SNAP25: variants seen among roughly 807,000 people sequenced by gnomAD.
SNAP25 encodes synaptosome associated protein 25.
In SNAP25, 3 loss-of-function variants were observed where a neutral mutation model predicts 28.7. That is an observed-to-expected ratio of 0.10 (90% CI 0.05 to 0.27). The LOEUF (loss-of-function observed/expected upper bound fraction) is 0.27, where lower values mean the gene tolerates loss of function less well. SNAP25 is among the 10% of genes least tolerant of loss of function. SNAP25 has a pLI of 1.00. For missense variants in SNAP25, 117 were observed against 278.7 expected, an observed-to-expected ratio of 0.42 and a Z score of 4.13; for synonymous variants, 61 against 88.1, an observed-to-expected ratio of 0.69 and a Z score of 1.72.
Position 10,293,131 on chromosome 20 carries a change from T to C in SNAP25, c.164-30T>C, listed in dbSNP as rs1040979879. The C allele has an allele frequency of 3.1e-6, 5 of 1,588,804 alleles. No homozygotes were observed. In the African/African-American group the frequency reaches 6.7e-5, roughly 21 times the overall value. ...TTGTCCTTTTCCATCTGCTTCATTC[T>C]GTGGGGATAAAATACTTGTGTTTAA... On this transcript the variant is annotated intron_variant, in intron 4 of 7. Transcript: ENST00000254976. This position sits in a 1 kb window ranked among gnomAD's most constrained non-coding sequence, Gnocchi z 5.6.
intron 1 of SNAP25, among the ~76,000 whole-genome samples, chr20:10,234,967 C>A (rs759686311): frequency 1.3e-4 from 20 of 152,220 alleles, no homozygotes; most frequent in Non-Finnish European, 2.8e-4. Flanking sequence ...GAGGCCAAGG[C>A]AGAAGGATCA....
At position 10,293,009 on chromosome 20, in the gene SNAP25, G is replaced by T. The variant is rs781712740; in HGVS notation, c.164-152G>T. ...TATGTCCTTGTAACAAGTAGGTACTGGGTACCAGCTCTAATCTGTGGCGTC... is the reference window on the plus strand; with the variant it reads ...TATGTCCTTGTAACAAGTAGGTACTTGGTACCAGCTCTAATCTGTGGCGTC... On this transcript the variant is annotated intron_variant, in intron 4 of 7. Coordinates refer to ENST00000254976, the MANE Select transcript of SNAP25 (RefSeq NM_130811.4). The surrounding 1 kb of genome is among the most constrained non-coding windows in gnomAD (Gnocchi z 5.6). 1 of 1,558,270 alleles carries T rather than the reference G, an allele frequency of 6.4e-7. No individual in the cohort carries two copies. The highest frequency in any genetic ancestry group is 8.8e-7 in the Non-Finnish European group (1 of 1,138,142).
chr20:10,226,409 A>T lies in SNAP25; in HGVS notation c.-64+7432A>T, dbSNP rs952484129. Among the ~76,000 whole-genome samples, 6 of 152,270 alleles carry T rather than the reference A, an allele frequency of 3.9e-5. No individual in the cohort carries two copies. In the East Asian group the frequency reaches 1.2e-3, roughly 29 times the overall value. On this transcript the variant is annotated intron_variant, in intron 1 of 7. Transcript: ENST00000254976. ...ATTGCTTCATCATAAATCAGCTGCTATTATGGCATTCTTCATTAATTAATC... is the reference window on the plus strand; with the variant it reads ...ATTGCTTCATCATAAATCAGCTGCTTTTATGGCATTCTTCATTAATTAATC...
chr20:10,236,304 A>G (rs2062919580), intron 1 of SNAP25, among the ~76,000 whole-genome samples: 1 of 152,212 alleles, frequency 6.6e-6, no homozygotes, highest in Non-Finnish European at 1.5e-5. Flanking sequence ...TCATAGACCC[A>G]GGTATCTGAT....
rs573807103 is a variant in SNAP25 at position 10,221,294 on chromosome 20, G to A, written c.-64+2317G>A. On this transcript the variant is annotated intron_variant, in intron 1 of 7. Coordinates refer to ENST00000254976, the MANE Select transcript of SNAP25 (RefSeq NM_130811.4). ...AGGACCGCAGTGAAGATGGCAAAGG[G>A]CACAGAGCTGAGAGGAAGAAGCAAT... 4.6e-5 allele frequency among the ~76,000 whole-genome samples: 7 copies of A among 152,252 alleles called. No homozygotes were observed. The South Asian group carries it at 1.5e-3, about 32-fold the overall frequency.
At chr20:10,289,139 A>G (rs1401702670) in intron 4 of SNAP25, among the ~76,000 whole-genome samples, 1 of 152,168 alleles carries the variant, frequency 6.6e-6, no homozygotes, top group Non-Finnish European at 1.5e-5. Context: ...AAATGATTGC[A>G]CTAGGAAATT....
At chr20:10,240,214 G>A (rs60539109) in intron 1 of SNAP25, among the ~76,000 whole-genome samples, 3,534 of 152,050 alleles carry the variant, frequency 0.023, 100 homozygotes, top group African/African-American at 0.062. Flanking sequence ...CCCTTACCAC[G>A]TGACCCTCTT....
At chr20:10,235,323 G>T (rs1005808781) in intron 1 of SNAP25, among the ~76,000 whole-genome samples, 3 of 152,298 alleles carry the variant, frequency 2.0e-5, no homozygotes, top group Non-Finnish European at 4.4e-5. Context: ...AATATTTTTA[G>T]AAAAACCACA....
intron 4 of SNAP25, among the ~76,000 whole-genome samples, chr20:10,290,469 C>A (rs362590): frequency 0.11 from 16,682 of 151,998 alleles, 1,150 homozygotes; most frequent in East Asian, 0.18. Flanking sequence ...GATGGCAGAG[C>A]CCAGCTTTCT....
At chr20:10,237,837 C>A (rs771052518) in intron 1 of SNAP25, among the ~76,000 whole-genome samples, 1 of 152,192 alleles carries the variant, frequency 6.6e-6, no homozygotes, top group Non-Finnish European at 1.5e-5. Context: ...CCACAGCAAG[C>A]TTCACCCCAA....
chr20:10,225,254 G>A (rs990690312), intron 1 of SNAP25, among the ~76,000 whole-genome samples: 4 of 150,432 alleles, frequency 2.7e-5, no homozygotes, highest in Admixed American at 6.6e-5. Flanking sequence ...AAACACATTC[G>A]CCTTGTCACA....
intron 1 of SNAP25, chr20:10,231,620 C>T (rs917044933): frequency 1.3e-5 from 2 of 152,192 alleles, no homozygotes; most frequent in Non-Finnish European, 2.9e-5. Flanking sequence ...GTCCCAAACT[C>T]TACAAAACAG....
chr20:10,277,811 G>A lies in SNAP25; in HGVS notation c.114+85G>A, dbSNP rs960445536. Reference sequence around the variant, plus strand: ...CCTAGTTGCTATGATGTTTCCTTGGGCCATGATCCCCTAGATTCCAGTGTG... The same window carrying A: ...CCTAGTTGCTATGATGTTTCCTTGGACCATGATCCCCTAGATTCCAGTGTG... On this transcript the variant is annotated intron_variant, in intron 3 of 7. Coordinates refer to ENST00000254976, the MANE Select transcript of SNAP25 (RefSeq NM_130811.4). 11 of 1,259,640 alleles carry A rather than the reference G, an allele frequency of 8.7e-6. No individual in the cohort carries two copies. The African/African-American group carries it at 1.5e-4, about 17-fold the overall frequency. The allele number at this position is 1,259,640 out of a possible 1,614,324, so 78.0% of individuals were successfully genotyped here. A position where few individuals can be genotyped will look rare whatever the true frequency, so the allele number is the denominator to read the frequency against.
rs746596155 is a variant in SNAP25 at position 10,275,699 on chromosome 20, T to C, written c.72+136T>C. ...AAAAAGTAATATGACTTTGATTTTC[T>C]GTACACCTAAGGCTTCTGTGGACCA... On this transcript the variant is annotated intron_variant, in intron 2 of 7. Coordinates refer to ENST00000254976, the MANE Select transcript of SNAP25 (RefSeq NM_130811.4). 3.2e-5 allele frequency: 20 copies of C among 627,788 alleles called. No homozygotes were observed. In the South Asian group the frequency reaches 3.5e-4, roughly 11 times the overall value. 38.9% of individuals were successfully genotyped at this position (627,788 alleles called of 1,614,324 possible). A position where few individuals can be genotyped will look rare whatever the true frequency, so the allele number is the denominator to read the frequency against.
chr20:10,221,934 T>G (rs1413151486), intron 1 of SNAP25, among the ~76,000 whole-genome samples: 1 of 152,176 alleles, frequency 6.6e-6, no homozygotes, highest in Non-Finnish European at 1.5e-5. Context: ...AAATAGAAAA[T>G]ATGCTTTTTA....
At chr20:10,246,087 C>T (rs530985745) in intron 1 of SNAP25, among the ~76,000 whole-genome samples, 2 of 152,348 alleles carry the variant, frequency 1.3e-5, no homozygotes, top group South Asian at 4.1e-4. Flanking sequence ...GACTCCACTT[C>T]TGTCTAAAGT....
At chr20:10,296,019 G>A (rs1162852914) in intron 5 of SNAP25, among the ~76,000 whole-genome samples, 1 of 152,152 alleles carries the variant, frequency 6.6e-6, no homozygotes, top group Non-Finnish European at 1.5e-5. Context: ...TACTGAACCT[G>A]CGTTTCAAAT....
intron 1 of SNAP25, among the ~76,000 whole-genome samples, chr20:10,263,058 G>C (rs987047761): frequency 2.7e-5 from 3 of 112,408 alleles, no homozygotes; most frequent in Non-Finnish European, 5.0e-5. Flanking sequence ...TCGCTCTGTC[G>C]CCCAGGCTGG....
At chr20:10,224,705 G>A (rs1326177999) in intron 1 of SNAP25, among the ~76,000 whole-genome samples, 1 of 151,872 alleles carries the variant, frequency 6.6e-6, no homozygotes, top group Non-Finnish European at 1.5e-5. Flanking sequence ...TCTTTCTGAA[G>A]CCTTCTCAGA....
Sources: allele counts gnomAD v4.1 joint callset (sites outside exome capture counted in the v4.1 genomes callset), GRCh38; gene constraint gnomAD v4.1.1; non-coding constraint Gnocchi (gnomAD v3.1); transcripts MANE v1.5; gene names NCBI Gene and HGNC (gene_info 2026-07-23, HGNC 2026-07-21).